CUL5: variants seen among roughly 807,000 people sequenced by gnomAD.
The protein encoded by CUL5 is cullin 5.
Under a neutral mutation model 108.8 loss-of-function variants are expected in CUL5, and 26 were observed. That is an observed-to-expected ratio of 0.24 (90% CI 0.18 to 0.33). CUL5 has a LOEUF of 0.33. Among genes scored for constraint, CUL5 ranks in the 10% least tolerant of loss-of-function variants. CUL5 has a pLI of 1.00. For missense variants in CUL5, 524 were observed against 909.2 expected, an observed-to-expected ratio of 0.58 and a Z score of 5.45; for synonymous variants, 334 against 298.0, an observed-to-expected ratio of 1.12 and a Z score of -1.25.
At chr11:108,074,603 G>T (rs1486505585) in intron 10 of CUL5, among the ~76,000 whole-genome samples, 1 of 151,856 alleles carries the variant, frequency 6.6e-6, no homozygotes, top group Non-Finnish European at 1.5e-5. Flanking sequence ...TCGGGAGTTC[G>T]AGATCAGCCT....
At chr11:108,097,072 C>G (rs1207255953) in intron 16 of CUL5, among the ~76,000 whole-genome samples, 1 of 152,110 alleles carries the variant, frequency 6.6e-6, no homozygotes, top group Non-Finnish European at 1.5e-5. Context: ...GGTTGGAGTT[C>G]AGTGGCACAA....
intron 7 of CUL5, among the ~76,000 whole-genome samples, chr11:108,059,646 A>T (rs1412882973): frequency 6.6e-6 from 1 of 152,110 alleles, no homozygotes; most frequent in Non-Finnish European, 1.5e-5. Flanking sequence ...AGGGAGGCCG[A>T]GATGGGTGGA....
intron 9 of CUL5, 28 bp downstream of exon 9, chr11:108,072,490 GAT>G (rs756830082): frequency 6.4e-7 from 1 of 1,565,778 alleles, no homozygotes; most frequent in African/African-American, 1.4e-5. Context: ...GGCAATGATA[GAT>G]ATATATCAAG....
At chr11:108,102,585 C>T (rs529234299) in intron 18 of CUL5, among the ~76,000 whole-genome samples, 2 of 152,064 alleles carry the variant, frequency 1.3e-5, no homozygotes, top group Non-Finnish European at 2.9e-5. Context: ...CCCACCTCAA[C>T]CTCCCAAATT....
intron 1 of CUL5, among the ~76,000 whole-genome samples, chr11:108,028,610 G>A (rs140175655): frequency 1.3e-5 from 2 of 152,046 alleles, no homozygotes; most frequent in South Asian, 2.1e-4. Flanking sequence ...AGGCCGAAGC[G>A]GGCGGATCAC....
intron 13 of CUL5, among the ~76,000 whole-genome samples, chr11:108,091,891 T>C (rs1864372309): frequency 1.3e-5 from 2 of 148,842 alleles, no homozygotes; most frequent in African/African-American, 2.5e-5. Context: ...ATCCCAAATA[T>C]TTTGAAAGGC....
intron 3 of CUL5, among the ~76,000 whole-genome samples, chr11:108,048,353 TG>T (rs1863117709): frequency 6.6e-6 from 1 of 152,162 alleles, no homozygotes; most frequent in Non-Finnish European, 1.5e-5. Context: ...CTTAGCAATT[TG>T]GGCTGGTCTC....
chr11:108,086,696 A>C (rs188700510), intron 11 of CUL5, among the ~76,000 whole-genome samples: 19 of 152,334 alleles, frequency 1.2e-4, no homozygotes, highest in African/African-American at 4.6e-4. Context: ...CTGTGATGGA[A>C]GTATCACAGC....
At chr11:108,061,488 T>C (rs1032310152) in intron 7 of CUL5, among the ~76,000 whole-genome samples, 1 of 152,312 alleles carries the variant, frequency 6.6e-6, no homozygotes, top group South Asian at 2.1e-4. Context: ...AATGAAAGTT[T>C]TAAAATATTT....
rs183116950 is a variant in CUL5, at chr11:108,023,852, T to C, written c.25-9950T>C. 9.1e-4 allele frequency among the ~76,000 whole-genome samples: 139 copies of C among 152,342 alleles called. 1 individual carries two copies. The highest frequency in any genetic ancestry group is 8.9e-3 in the Admixed American group (137 of 15,308). ...TTCTTTTATAAAAGGAACCTAAAAG[T>C]TTAAACAGAGTGTGGTATGAAATTT... On this transcript the variant is annotated intron_variant, in intron 1 of 18. Transcript: ENST00000393094.
intron 10 of CUL5, among the ~76,000 whole-genome samples, chr11:108,077,535 C>G (rs1023949811): frequency 6.6e-6 from 1 of 151,456 alleles, no homozygotes; most frequent in African/African-American, 2.4e-5. Flanking sequence ...GAGGCTGAGG[C>G]AGGAGAATCG....
chr11:108,094,998 A>G lies in CUL5; in HGVS notation c.1743+11A>G. Reference sequence around the variant, plus strand: ...ATGTCAAATGGAATTGTAAGTAGATAGTGTGTTAGTTATTTCAGCTTTCAG... The same window carrying G: ...ATGTCAAATGGAATTGTAAGTAGATGGTGTGTTAGTTATTTCAGCTTTCAG... On this transcript the variant is annotated intron_variant, in intron 15 of 18. Transcript: ENST00000393094. 1.3e-6 allele frequency: 2 copies of G among 1,595,338 alleles called. No homozygotes were observed. The highest frequency in any genetic ancestry group is 2.3e-5 in the South Asian group (2 of 88,026).
chr11:108,023,948 TGAAAA>T (rs1259293801), intron 1 of CUL5, among the ~76,000 whole-genome samples: 1 of 152,206 alleles, frequency 6.6e-6, no homozygotes, highest in Non-Finnish European at 1.5e-5. Context: ...CCACCATGTT[TGAAAA>T]GAAATGTCTT....
intron 7 of CUL5, among the ~76,000 whole-genome samples, chr11:108,058,866 A>C (rs1052834408): frequency 6.6e-6 from 1 of 152,208 alleles, no homozygotes; most frequent in African/African-American, 2.4e-5. Context: ...GGCCTATAGC[A>C]GATGAACAGA....
intron 18 of CUL5, among the ~76,000 whole-genome samples, chr11:108,099,771 T>C (rs1315085489): frequency 6.6e-6 from 1 of 152,170 alleles, no homozygotes; most frequent in Non-Finnish European, 1.5e-5. Context: ...CTTATTACCA[T>C]CACTTAGTTC....
intron 7 of CUL5, among the ~76,000 whole-genome samples, chr11:108,066,813 A>G (rs1248959537): frequency 6.6e-6 from 1 of 152,116 alleles, no homozygotes; most frequent in African/African-American, 2.4e-5. Context: ...TTTTCCAGTT[A>G]TTTGCTTATT....
intron 1 of CUL5, among the ~76,000 whole-genome samples, chr11:108,011,444 T>C (rs1421564003): frequency 1.3e-5 from 2 of 152,188 alleles, no homozygotes; most frequent in African/African-American, 2.4e-5. Flanking sequence ...ACTTAGGGTT[T>C]AGGTTTAAAA....
chr11:108,100,038 T>C (rs73000534), intron 18 of CUL5, among the ~76,000 whole-genome samples: 8,851 of 151,896 alleles, frequency 0.058, 382 homozygotes, highest in Non-Finnish European at 0.079. Context: ...GATATTAATA[T>C]CAAGTTCAAA....
chr11:108,090,232 T>TA (rs1384982911), intron 13 of CUL5, among the ~76,000 whole-genome samples: 1 of 152,126 alleles, frequency 6.6e-6, no homozygotes, highest in Non-Finnish European at 1.5e-5. Context: ...CTCACACCTA[T>TA]AATCCCAGCA....
Sources: gnomAD v4.1 joint callset for allele counts (sites outside exome capture counted in the v4.1 genomes callset) on GRCh38, gnomAD v4.1.1 for gene constraint, MANE v1.5 for transcripts, NCBI Gene and HGNC (gene_info 2026-07-23, HGNC 2026-07-21) for gene names.